Variants in STPG2 observed in about 807,000 individuals in gnomAD.
The protein encoded by STPG2 is sperm tail PG-rich repeat containing 2.
A neutral mutation model predicts 54.2 loss-of-function variants in STPG2; 56 were observed. The observed-to-expected ratio is 1.03, with a 90% CI of 0.83 to 1.29. STPG2 has a LOEUF of 1.29. STPG2 is among the 50% of genes most tolerant of loss of function. The pLI is 0.00. For missense variants in STPG2, 596 were observed against 544.9 expected (o/e 1.09, Z -0.93); for synonymous variants, 200 against 181.8 (o/e 1.10, Z -0.81).
At chr4:97,859,042 C>A (rs1259322435) in intron 8 of STPG2, among the ~76,000 whole-genome samples, 1 of 152,206 alleles carries the variant, frequency 6.6e-6, no homozygotes, top group Admixed American at 6.5e-5. Flanking sequence ...CTTTTCACCA[C>A]ATCCATGCTA....
At chr4:97,761,413 G>T (rs1229389901) in intron 9 of STPG2, among the ~76,000 whole-genome samples, 1 of 152,048 alleles carries the variant, frequency 6.6e-6, no homozygotes, top group African/African-American at 2.4e-5. Context: ...AAACACCAAG[G>T]ATAACCAACA....
chr4:97,792,191 T>A (rs1021451514), intron 9 of STPG2, among the ~76,000 whole-genome samples: 4 of 152,226 alleles, frequency 2.6e-5, no homozygotes, highest in African/African-American at 9.6e-5. Context: ...AGATTTTTTA[T>A]GTTTAAAAAG....
intron 4 of STPG2, among the ~76,000 whole-genome samples, chr4:98,108,532 T>C (rs1739251014): frequency 6.6e-6 from 1 of 152,124 alleles, no homozygotes; most frequent in African/African-American, 2.4e-5. Flanking sequence ...ATCCATCATG[T>C]AGTCAGAGGA....
intron 9 of STPG2, among the ~76,000 whole-genome samples, chr4:97,782,078 C>T (rs1448873577): frequency 1.3e-5 from 2 of 152,134 alleles, no homozygotes; most frequent in Non-Finnish European, 2.9e-5. Flanking sequence ...GAAGTTCTGG[C>T]CAGGGCAATC....
intron 8 of STPG2, among the ~76,000 whole-genome samples, chr4:97,877,103 T>C (rs1263184855): frequency 6.6e-6 from 1 of 152,208 alleles, no homozygotes; most frequent in East Asian, 1.9e-4. Flanking sequence ...GGTAATAACA[T>C]TTAAAATCTA....
Position 97,548,962 on chromosome 4 carries a change from T to G in STPG2, c.462+163737A>C, listed in dbSNP as rs1277261693. Reference sequence around the variant, plus strand: ...TTTTTAATACCTGAAAACTCATTTTTATTGTGATATTTTATTATGGTTTAA... The same window carrying G: ...TTTTTAATACCTGAAAACTCATTTTGATTGTGATATTTTATTATGGTTTAA... On this transcript the variant is annotated intron_variant, in intron 4 of 4. Transcript: ENST00000522676. 2.3e-4 allele frequency among the ~76,000 whole-genome samples: 7 copies of G among 30,736 alleles called. No individual in the cohort carries two copies. In the African/African-American group the frequency reaches 2.4e-3, roughly 11 times the overall value. 20.2% of individuals were successfully genotyped at this position (30,736 alleles called of 152,430 possible).
intron 3 of STPG2, among the ~76,000 whole-genome samples, chr4:98,127,444 T>C (rs997477003): frequency 1.3e-5 from 2 of 152,210 alleles, no homozygotes; most frequent in Non-Finnish European, 2.9e-5. Flanking sequence ...AGCCCAAAGA[T>C]GTAGTCACAT....
intron 8 of STPG2, among the ~76,000 whole-genome samples, chr4:97,931,651 TGG>T (rs1732550221): frequency 6.2e-5 from 4 of 64,990 alleles, no homozygotes; most frequent in Non-Finnish European, 2.0e-4. Context: ...TTTTTGTTTT[TGG>T]TTTTTTTGTT....
intron 4 of STPG2, among the ~76,000 whole-genome samples, chr4:97,539,244 T>G (rs554913312): frequency 7.9e-5 from 12 of 152,188 alleles, no homozygotes; most frequent in African/African-American, 2.6e-4. Context: ...AGACACAGAC[T>G]GGTAAATTGG....
chr4:97,829,103 A>G (rs1728356704), intron 9 of STPG2, among the ~76,000 whole-genome samples: 1 of 152,128 alleles, frequency 6.6e-6, no homozygotes, highest in Non-Finnish European at 1.5e-5. Context: ...AGGGGTCGAC[A>G]GACACCTCAT....
At position 97,976,864 on chromosome 4, in the gene STPG2, C is replaced by T. The variant is rs894973402; in HGVS notation, c.772+4295G>A. Among the ~76,000 whole-genome samples, 9 of 152,060 alleles carry T rather than the reference C, an allele frequency of 5.9e-5. No individual in the cohort carries two copies. In the South Asian group the frequency reaches 6.2e-4, roughly 10 times the overall value. ...GTAATATACTAGACCATCAGACTGA[C>T]GGTAAGACCCAATCTTAGAGTAACT... On this transcript the variant is annotated intron_variant, in intron 6 of 10. Transcript: ENST00000295268.
At chr4:97,979,437 C>G (rs1044766393) in intron 6 of STPG2, among the ~76,000 whole-genome samples, 5 of 152,136 alleles carry the variant, frequency 3.3e-5, no homozygotes, top group Non-Finnish European at 7.4e-5. Context: ...TCTTCCTGAA[C>G]AGGAGTGTCT....
intron 9 of STPG2, among the ~76,000 whole-genome samples, chr4:97,825,284 G>A (rs1007599113): frequency 1.3e-5 from 2 of 152,160 alleles, no homozygotes; most frequent in Non-Finnish European, 2.9e-5. Context: ...TCAGAAATTA[G>A]TTCACAAATT....
At chr4:97,523,937 T>C (rs1041165938) in intron 4 of STPG2, among the ~76,000 whole-genome samples, 2 of 151,840 alleles carry the variant, frequency 1.3e-5, no homozygotes, top group African/African-American at 2.4e-5. Flanking sequence ...CAGTGATGAG[T>C]ACAGAATTAA....
intron 8 of STPG2, among the ~76,000 whole-genome samples, chr4:97,889,324 C>T (rs1219409632): frequency 2.0e-5 from 3 of 152,100 alleles, no homozygotes; most frequent in Admixed American, 6.5e-5. Context: ...TGTGTATATA[C>T]CCAAAGGGAA....
chr4:97,933,254 T>C, intron 8 of STPG2, among the ~76,000 whole-genome samples: 1 of 152,230 alleles, frequency 6.6e-6, no homozygotes, highest in East Asian at 1.9e-4. Context: ...TTGTAAATTC[T>C]GGATATTAGA....
At chr4:97,711,169 C>A (rs1287339457) in intron 10 of STPG2, among the ~76,000 whole-genome samples, 3 of 151,888 alleles carry the variant, frequency 2.0e-5, no homozygotes, top group Non-Finnish European at 2.9e-5. Flanking sequence ...TTGTGGATAC[C>A]ATTAAAATGA....
intron 4 of STPG2, among the ~76,000 whole-genome samples, chr4:97,534,645 T>C (rs983248013): frequency 6.6e-6 from 1 of 152,200 alleles, no homozygotes; most frequent in Non-Finnish European, 1.5e-5. Context: ...ATAAGTTACA[T>C]ACATTAAACT....
At chr4:97,658,315 T>A (rs1722275386) in intron 10 of STPG2, among the ~76,000 whole-genome samples, 1 of 152,222 alleles carries the variant, frequency 6.6e-6, no homozygotes, top group African/African-American at 2.4e-5. Context: ...GAATCACTAG[T>A]AACTTTACAA....
Sources: allele counts gnomAD v4.1 joint callset (sites outside exome capture counted in the v4.1 genomes callset), GRCh38; gene constraint gnomAD v4.1.1; transcripts MANE v1.5; gene names NCBI Gene and HGNC (gene_info 2026-07-23, HGNC 2026-07-21).